Variants in KIF16B observed in about 807,000 individuals in gnomAD.
KIF16B encodes the protein kinesin family member 16B, also known as kinesin-like protein KIF16B.
A neutral mutation model predicts 156.3 loss-of-function variants in KIF16B; 98 were observed. That is an observed-to-expected ratio of 0.63 (90% confidence interval 0.53 to 0.74). The LOEUF (loss-of-function observed/expected upper bound fraction) is 0.74. Among genes scored for constraint, KIF16B ranks in the 30% least tolerant of loss-of-function variants. KIF16B has a pLI of 0.00. For missense variants in KIF16B, 1,421 were observed against 1,606.5 expected, an observed-to-expected ratio of 0.88 and a Z score of 1.97; for synonymous variants, 564 against 583.7, an observed-to-expected ratio of 0.97 and a Z score of 0.49.
chr20:16,562,125 T>G lies in KIF16B; in HGVS notation c.47+11104A>C, dbSNP rs533781488. Among the ~76,000 whole-genome samples the G allele has an allele frequency of 2.4e-4, 37 of 152,336 alleles. No homozygotes were observed. In the East Asian group the frequency reaches 4.0e-3, roughly 17 times the overall value. On this transcript the variant is annotated intron_variant, in intron 1 of 25. Coordinates refer to ENST00000354981, the MANE Select transcript of KIF16B (RefSeq NM_024704.5). ...GGGAACTCTCTACTATTTTGCAACT[T>G]TACTATAAATCTACAATTATTTCAA... is the stretch of plus-strand genomic sequence containing the variant.
chr20:16,347,869 A>G (rs1475829735), intron 23 of KIF16B, among the ~76,000 whole-genome samples: 2 of 152,224 alleles, frequency 1.3e-5, no homozygotes, highest in Non-Finnish European at 2.9e-5. Context: ...GAACATCTAT[A>G]TTCTATCAAG....
intron 1 of KIF16B, among the ~76,000 whole-genome samples, chr20:16,564,242 T>C (rs2071170081): frequency 1.3e-5 from 2 of 152,310 alleles, no homozygotes; most frequent in South Asian, 2.1e-4. Flanking sequence ...GCTTCACCCA[T>C]GTCCCTACAA....
intron 12 of KIF16B, among the ~76,000 whole-genome samples, chr20:16,445,216 G>GA (rs57687624): frequency 0.24 from 36,281 of 149,602 alleles, 4,482 homozygotes; most frequent in South Asian, 0.32. Flanking sequence ...AGAAGGAAAA[G>GA]AAAAAAAAAG....
intron 3 of KIF16B, among the ~76,000 whole-genome samples, chr20:16,525,386 C>T (rs1449526325): frequency 6.6e-6 from 1 of 152,082 alleles, no homozygotes; most frequent in East Asian, 1.9e-4. Context: ...TATACTGGTG[C>T]TCCCCATTTC....
rs2063011206 is a variant in KIF16B, at chr20:16,273,404, A to G, written c.3803T>C (p.Leu1268Pro). 6.2e-7 allele frequency: 1 copy of G among 1,614,024 alleles called. No homozygotes were observed. The highest frequency in any genetic ancestry group is 8.5e-7 in the Non-Finnish European group (1 of 1,179,964). The part of the protein sequence containing the change: ...AERRSHLEKY[L>P]RDFFSVMLQS... ...GAGCATCACGCTGAAAAAGTCCCTG[A>G]GGTATTTCTGTGGAAGAGACAAGAG... is the stretch of plus-strand genomic sequence containing the variant. The change falls in exon 26 of 26, where the codon CTC (leucine) becomes CCC (proline). Residue 1268 changes from leucine (L) to proline (P), a missense_variant. Leu to Pro is a moderately conservative substitution (Grantham distance 98). Coordinates refer to ENST00000354981, the MANE Select transcript of KIF16B (RefSeq NM_024704.5).
chr20:16,545,278 C>G (rs1303255891), intron 1 of KIF16B, among the ~76,000 whole-genome samples: 1 of 152,100 alleles, frequency 6.6e-6, no homozygotes, highest in Non-Finnish European at 1.5e-5. Flanking sequence ...CACCTGTAAT[C>G]CCAGTACTTT....
chr20:16,372,592 G>C (rs1292363014), intron 20 of KIF16B, among the ~76,000 whole-genome samples: 1 of 152,218 alleles, frequency 6.6e-6, no homozygotes, highest in African/African-American at 2.4e-5. Flanking sequence ...AGAGAGACTA[G>C]AGAATTTTAT....
chr20:16,404,771 A>G (rs1568941294), intron 17 of KIF16B, 42 bp downstream of exon 17: 1 of 1,463,364 alleles, frequency 6.8e-7, no homozygotes, highest in Non-Finnish European at 9.6e-7. Context: ...AATAAATGCA[A>G]AAGTGATCAT....
At chr20:16,541,856 G>T (rs951080603) in intron 1 of KIF16B, among the ~76,000 whole-genome samples, 1 of 152,198 alleles carries the variant, frequency 6.6e-6, no homozygotes, top group Non-Finnish European at 1.5e-5. Context: ...GTTGCCACAG[G>T]TTGGGCACAG....
chr20:16,542,226 G>A (rs2147237693), intron 1 of KIF16B, among the ~76,000 whole-genome samples: 1 of 152,308 alleles, frequency 6.6e-6, no homozygotes, highest in African/African-American at 2.4e-5. Context: ...CTTAAGATGT[G>A]CAGAACCATT....
intron 23 of KIF16B, among the ~76,000 whole-genome samples, chr20:16,343,550 A>G (rs1005776585): frequency 2.6e-5 from 4 of 152,240 alleles, no homozygotes; most frequent in African/African-American, 9.6e-5. Context: ...AACTGTTTAG[A>G]AGAAATAGTC....
intron 23 of KIF16B, among the ~76,000 whole-genome samples, chr20:16,341,666 T>C (rs1351556170): frequency 6.6e-6 from 1 of 152,250 alleles, no homozygotes; most frequent in East Asian, 1.9e-4. Flanking sequence ...CTGGGGCACT[T>C]GTTAGAAATG....
intron 1 of KIF16B, among the ~76,000 whole-genome samples, chr20:16,538,903 T>G (rs890694417): frequency 6.6e-6 from 1 of 152,054 alleles, no homozygotes; most frequent in Non-Finnish European, 1.5e-5. Flanking sequence ...TAAAAGTACA[T>G]GACACCTCCG....
intron 22 of KIF16B, among the ~76,000 whole-genome samples, chr20:16,359,831 A>G (rs2064517949): frequency 6.6e-6 from 1 of 152,170 alleles, no homozygotes; most frequent in South Asian, 2.1e-4. Flanking sequence ...TTGGCTGGAT[A>G]TAAGAGCTAC....
At chr20:16,327,532 A>T (rs764788971) in intron 24 of KIF16B, among the ~76,000 whole-genome samples, 1 of 152,122 alleles carries the variant, frequency 6.6e-6, no homozygotes, top group African/African-American at 2.4e-5. Flanking sequence ...AGAACATCCT[A>T]TGGAGGATTT....
chr20:16,510,697 A>ATC (rs2068931347), intron 6 of KIF16B, among the ~76,000 whole-genome samples: 1 of 152,186 alleles, frequency 6.6e-6, no homozygotes, highest in African/African-American at 2.4e-5. Flanking sequence ...TATATCTGGT[A>ATC]TCTCCCAGGA....
At chr20:16,560,162 C>T (rs992981854) in intron 1 of KIF16B, among the ~76,000 whole-genome samples, 2 of 152,206 alleles carry the variant, frequency 1.3e-5, no homozygotes, top group Non-Finnish European at 2.9e-5. Context: ...TACCTTCTCA[C>T]AAGGGCCCAT....
intron 3 of KIF16B, among the ~76,000 whole-genome samples, chr20:16,518,664 G>A (rs2069225537): frequency 6.6e-6 from 1 of 152,138 alleles, no homozygotes; most frequent in South Asian, 2.1e-4. Flanking sequence ...TAATTTACAT[G>A]ACTGTAGATT....
At position 16,526,212 on chromosome 20, in the gene KIF16B, A is replaced by G; in HGVS notation, c.118-7T>C. On this transcript the variant is annotated splice_polypyrimidine_tract_variant and splice_region_variant and intron_variant, in intron 2 of 25. Coordinates refer to ENST00000354981, the MANE Select transcript of KIF16B (RefSeq NM_024704.5). ...CAGTGCCTCCTTCTGGTATCTAGAA[A>G]GAAATGATTAGAATAATAATGATAA... 2 of 1,456,294 alleles carry G rather than the reference A, an allele frequency of 1.4e-6. No individual in the cohort carries two copies. Among genetic ancestry groups the G allele is most frequent in the Non-Finnish European group, 1.9e-6 (2 of 1,050,750 alleles). 90.2% of individuals were successfully genotyped at this position (1,456,294 alleles called of 1,614,324 possible).
Sources: allele counts gnomAD v4.1 joint callset (sites outside exome capture counted in the v4.1 genomes callset), GRCh38; gene constraint gnomAD v4.1.1; transcripts MANE v1.5; gene names NCBI Gene and HGNC (gene_info 2026-07-23, HGNC 2026-07-21).